Variants in AXIN1 observed in about 807,000 individuals in gnomAD.
AXIN1 encodes axin 1.
A neutral mutation model predicts 76.4 loss-of-function variants in AXIN1; 30 were observed. That is an observed-to-expected ratio of 0.39 (90% CI 0.29 to 0.53). AXIN1 has a LOEUF of 0.53. Among genes scored for constraint, AXIN1 ranks in the 20% least tolerant of loss-of-function variants. The probability of loss-of-function intolerance (pLI) is 0.66; values close to 1 mark genes in which losing one functional copy is unlikely to be tolerated. For synonymous variants in AXIN1, 545 were observed against 501.4 expected (o/e 1.09, Z -1.16); for missense variants, 1,140 against 1,198.8 (o/e 0.95, Z 0.72).
At chr16:310,136 A>G in intron 3 of AXIN1, 67 bp from the exon 4 acceptor site, 1 of 1,472,868 alleles carries the variant, frequency 6.8e-7, no homozygotes, top group Non-Finnish European at 9.3e-7. Context: ...GTGCCAATAG[A>G]GCTCCTGGCC....
Position 345,714 on chromosome 16 carries a change from C to CA in AXIN1, c.878+433dup, listed in dbSNP as rs57841611. ...GAGCAACAAAAGTGAAACTCCGTCTCAAAAAAAAAAAAAAGCAAGAATCCA... is the reference window on the plus strand; with the variant it reads ...GAGCAACAAAAGTGAAACTCCGTCTCAAAAAAAAAAAAAAAGCAAGAATCCA... On this transcript the variant is annotated intron_variant, in intron 2 of 10. Transcript: ENST00000262320. 2.2e-3 allele frequency among the ~76,000 whole-genome samples: 285 copies of CA among 130,388 alleles called. 2 individuals carry two copies. The highest frequency in any genetic ancestry group is 3.7e-3 in the Middle Eastern group (1 of 270). The allele number at this position is 130,388 out of a possible 152,430, so 85.5% of individuals were successfully genotyped here.
At chr16:341,981 C>G (rs1468048710) in intron 2 of AXIN1, among the ~76,000 whole-genome samples, 1 of 152,158 alleles carries the variant, frequency 6.6e-6, no homozygotes, top group African/African-American at 2.4e-5. Flanking sequence ...CACCAATCAG[C>G]GCCCTGTCAA....
chr16:346,894 G>T lies in AXIN1; in HGVS notation c.132C>A (p.Phe44Leu). The T allele has an allele frequency of 6.2e-7, 1 of 1,613,840 alleles. No homozygotes were observed. Among genetic ancestry groups the T allele is most frequent in the Non-Finnish European group, 8.5e-7 (1 of 1,179,670 alleles). Residue 44 changes from phenylalanine (F) to leucine (L), a missense_variant, in exon 2 of 11, where the codon TTC (phenylalanine) becomes TTA (leucine). Transcript: ENST00000262320. ...STDPRPASYS[F>L]CSGKGVGIKG... ...TAATGCCAACACCTTTCCCGGAGCA[G>T]AAACTGTAGCTGGCGGGCCTCGGGT...
At chr16:352,240 G>A in intron 1 of AXIN1, 129 bp downstream of exon 1, 2 of 516,676 alleles carry the variant, frequency 3.9e-6, no homozygotes, top group African/African-American at 2.1e-5. Flanking sequence ...GGACACCCCG[G>A]CCCCAGCTCC....
intron 2 of AXIN1, among the ~76,000 whole-genome samples, chr16:345,224 G>C (rs1301564694): frequency 6.6e-6 from 1 of 152,156 alleles, no homozygotes; most frequent in African/African-American, 2.4e-5. Context: ...GGCCCTGCCA[G>C]GATCGCCTCA....
chr16:344,469 CTTTTTTGTTTT>C (rs1009955679), intron 2 of AXIN1, among the ~76,000 whole-genome samples: 5 of 140,574 alleles, frequency 3.6e-5, no homozygotes, highest in Admixed American at 2.1e-4. Context: ...CTACACAATC[CTTTTTTGTTTT>C]TTTTTTGTTT....
chr16:295,101 T>A (rs2052674836), intron 7 of AXIN1, among the ~76,000 whole-genome samples: 1 of 151,134 alleles, frequency 6.6e-6, no homozygotes, highest in Non-Finnish European at 1.5e-5. Context: ...GGAGACTTTT[T>A]TTTTTTCTTT....
rs2053259829 is a variant in AXIN1 at position 314,657 on chromosome 16, T to C, written c.905A>G (p.Asn302Ser). The change falls in exon 3 of 11, where the codon AAC (asparagine) becomes AGC (serine). Residue 302 changes from asparagine to serine, a missense_variant. By Grantham distance (46) the Asn-to-Ser change is conservative (BLOSUM62 1). Coordinates refer to ENST00000262320, the MANE Select transcript of AXIN1 (RefSeq NM_003502.4). Reference sequence around the variant, plus strand: ...ATAGCCGGCATTGACATAATAGGGGTTGACTGGCTCCCGCCAGGATCCATA... The same window carrying C: ...ATAGCCGGCATTGACATAATAGGGGCTGACTGGCTCCCGCCAGGATCCATA... ...FRYGSWREPV[N>S]PYYVNAGYAL... 1 of 1,613,848 alleles carries C rather than the reference T, an allele frequency of 6.2e-7. No individual in the cohort carries two copies. Among genetic ancestry groups the C allele is most frequent in the Non-Finnish European group, 8.5e-7 (1 of 1,180,026 alleles).
chr16:321,394 C>G (rs2053454369), intron 2 of AXIN1, among the ~76,000 whole-genome samples: 1 of 152,228 alleles, frequency 6.6e-6, no homozygotes, highest in African/African-American at 2.4e-5. Flanking sequence ...CGTGCCCCAC[C>G]CCGCCAAGAC....
chr16:289,742 G>A (rs2052500497), intron 9 of AXIN1, 135 bp from the exon 10 acceptor site: 1 of 1,099,432 alleles, frequency 9.1e-7, no homozygotes, highest in Non-Finnish European at 1.3e-6. Flanking sequence ...AAACACCTGG[G>A]GCCCGCAGCC....
chr16:297,693 C>T (rs2141507759), intron 6 of AXIN1, 29 bp downstream of exon 6: 1 of 1,578,666 alleles, frequency 6.3e-7, no homozygotes, highest in South Asian at 1.1e-5. Context: ...CACCCCAAGC[C>T]CCCTCCTCAC....
chr16:336,811 C>T (rs1459989454), intron 2 of AXIN1, among the ~76,000 whole-genome samples: 3 of 124,878 alleles, frequency 2.4e-5, no homozygotes, highest in South Asian at 2.7e-4. Flanking sequence ...AGCAAGACTC[C>T]GCCTCAAAAA....
chr16:338,206 C>A (rs911024248), intron 2 of AXIN1, among the ~76,000 whole-genome samples: 1 of 152,176 alleles, frequency 6.6e-6, no homozygotes, highest in Non-Finnish European at 1.5e-5. Context: ...GGAGCGTGTG[C>A]GTCAATTCAA....
At chr16:327,218 G>A (rs1216473456) in intron 2 of AXIN1, among the ~76,000 whole-genome samples, 2 of 152,076 alleles carry the variant, frequency 1.3e-5, no homozygotes, top group Non-Finnish European at 2.9e-5. Context: ...GTTCTGCATG[G>A]CGGCAGACAC....
intron 2 of AXIN1, among the ~76,000 whole-genome samples, chr16:339,975 A>G (rs979922051): frequency 2.6e-5 from 4 of 152,022 alleles, no homozygotes; most frequent in Non-Finnish European, 4.4e-5. Context: ...ACGGACATGG[A>G]AACCCAAAAC....
chr16:322,982 C>T (rs1394899862), intron 2 of AXIN1, among the ~76,000 whole-genome samples: 1 of 152,206 alleles, frequency 6.6e-6, no homozygotes, highest in Non-Finnish European at 1.5e-5. Context: ...GCCATGGATG[C>T]CAATGCCACT....
rs1230648185 is a variant in AXIN1, at chr16:304,373, G to C, written c.1185C>G (p.Arg395=). The change falls in exon 5 of 11, where the codon CGC becomes CGG. Residue 395 remains arginine (R), a synonymous_variant. Transcript: ENST00000262320. ...PQKFAEELIH[R]LEAVQRTREA... The stretch of plus-strand genomic sequence containing the variant: ...CCCGCGTGCGCTGCACAGCCTCCAG[G>C]CGGTGGATGAGCTCCTCCGCGAACT... 7 of 1,612,574 alleles carry C rather than the reference G, an allele frequency of 4.3e-6. No homozygotes were observed. Among genetic ancestry groups the C allele is most frequent in the Non-Finnish European group, 5.1e-6 (6 of 1,179,916 alleles).
At chr16:325,076 C>T (rs1178784717) in intron 2 of AXIN1, among the ~76,000 whole-genome samples, 1 of 151,658 alleles carries the variant, frequency 6.6e-6, no homozygotes, top group Non-Finnish European at 1.5e-5. Context: ...GCCCCGCGGG[C>T]GCGCCCCAGG....
chr16:329,325 A>G (rs2053646466), intron 2 of AXIN1, among the ~76,000 whole-genome samples: 1 of 151,712 alleles, frequency 6.6e-6, no homozygotes, highest in African/African-American at 2.4e-5. Flanking sequence ...AGTGGGTAAC[A>G]TGAATTAGGA....
Sources: gnomAD v4.1 joint callset for allele counts (sites outside exome capture counted in the v4.1 genomes callset) on GRCh38, gnomAD v4.1.1 for gene constraint, MANE v1.5 for transcripts, NCBI Gene and HGNC (gene_info 2026-07-23, HGNC 2026-07-21) for gene names.